Variants in EXOC5 observed in about 807,000 individuals in gnomAD.
EXOC5 encodes SEC10-like 1.
Under a neutral mutation model 90.8 loss-of-function variants are expected in EXOC5, and 17 were observed. The ratio of observed to expected loss-of-function variants is 0.19; its 90% CI spans 0.13 to 0.28. The LOEUF is 0.28. EXOC5 is among the 10% of genes least tolerant of loss of function. The pLI, the probability that EXOC5 is intolerant of heterozygous loss-of-function variation, is 1.00. For synonymous variants in EXOC5, 260 were observed against 270.0 expected (o/e 0.96, Z 0.36); for missense variants, 569 against 830.6 (o/e 0.69, Z 3.87).
At chr14:57,210,754 C>T (rs1468828672) in intron 15 of EXOC5, among the ~76,000 whole-genome samples, 7 of 151,926 alleles carry the variant, frequency 4.6e-5, no homozygotes, top group Admixed American at 4.6e-4. Flanking sequence ...AAGTACTTAA[C>T]AGTAAAAAAG....
At chr14:57,227,931 C>T (rs993923568) in intron 12 of EXOC5, among the ~76,000 whole-genome samples, 3 of 126,894 alleles carry the variant, frequency 2.4e-5, no homozygotes, top group Non-Finnish European at 3.0e-5. Context: ...AATAAGTTTA[C>T]ATACATATAT....
At chr14:57,259,741 A>C (rs896752942) in intron 1 of EXOC5, among the ~76,000 whole-genome samples, 1 of 152,172 alleles carries the variant, frequency 6.6e-6, no homozygotes, top group Non-Finnish European at 1.5e-5. Context: ...GAACATTACT[A>C]ATTGTCATTT....
Position 57,268,842 on chromosome 14 carries a change from G to A in EXOC5, c.-194C>T. On this transcript the variant is annotated 5_prime_UTR_variant, in exon 1 of 18. Coordinates refer to ENST00000621441, the MANE Select transcript of EXOC5 (RefSeq NM_006544.4). ...GAAGCGAAGCCGCAAACGCTTGTCAGCTGCCTCCCGGCGCCGCCCGCGCTG... is the reference window on the plus strand; with the variant it reads ...GAAGCGAAGCCGCAAACGCTTGTCAACTGCCTCCCGGCGCCGCCCGCGCTG... The A allele has an allele frequency of 1.5e-6, 2 of 1,317,678 alleles. No individual in the cohort carries two copies. Among genetic ancestry groups the A allele is most frequent in the East Asian group, 3.0e-5 (1 of 33,614 alleles). 81.6% of individuals were successfully genotyped at this position (1,317,678 alleles called of 1,614,324 possible). A position where few individuals can be genotyped will look rare whatever the true frequency, so the allele number is the denominator to read the frequency against.
At chr14:57,227,310 A>G (rs1422216320) in intron 12 of EXOC5, among the ~76,000 whole-genome samples, 1 of 152,144 alleles carries the variant, frequency 6.6e-6, no homozygotes, top group Non-Finnish European at 1.5e-5. Context: ...ATTCAGTCAT[A>G]TCAATACTAA....
At chr14:57,246,113 C>T (rs1346425603) in intron 3 of EXOC5, among the ~76,000 whole-genome samples, 1 of 151,944 alleles carries the variant, frequency 6.6e-6, no homozygotes, top group Non-Finnish European at 1.5e-5. Flanking sequence ...TTCAGAGGTT[C>T]CAGATTAAGT....
rs369300857 is a variant in EXOC5, at chr14:57,233,864, T to G, written c.734A>C (p.Asp245Ala). The G allele has an allele frequency of 1.2e-4, 196 of 1,610,780 alleles. No individual in the cohort carries two copies. Among genetic ancestry groups the G allele is most frequent in the Non-Finnish European group, 1.6e-4 (191 of 1,177,480 alleles). The part of the protein sequence containing the change: ...QCQEGAYLRN[D>A]IFEDAGILCQ... ...GAGTATTCCAGCGTCTTCAAATATATCATTTCTCAAATAAGCACCCTAAAC... is the reference window on the plus strand; with the variant it reads ...GAGTATTCCAGCGTCTTCAAATATAGCATTTCTCAAATAAGCACCCTAAAC... Residue 245 changes from aspartate (D) to alanine (A), a missense_variant, in exon 9 of 18, where the codon GAT becomes GCT. Asp to Ala is a moderately radical substitution (Grantham distance 126, BLOSUM62 -2). Around this residue, in one of 9 missense-constraint regions of EXOC5, gnomAD observed 114 missense variants for 111.2 expected, o/e 1.03. Coordinates refer to ENST00000621441, the MANE Select transcript of EXOC5 (RefSeq NM_006544.4).
At chr14:57,221,310 C>T (rs1159053524) in intron 13 of EXOC5, among the ~76,000 whole-genome samples, 1 of 152,144 alleles carries the variant, frequency 6.6e-6, no homozygotes, top group Non-Finnish European at 1.5e-5. Context: ...GAGAGATGAT[C>T]AATACATACC....
intron 15 of EXOC5, among the ~76,000 whole-genome samples, chr14:57,216,048 G>GA (rs530198758): frequency 7.3e-5 from 11 of 150,736 alleles, no homozygotes; most frequent in Admixed American, 3.3e-4. Context: ...AAAAAAGAAA[G>GA]AAAAAAAATC....
chr14:57,247,618 CT>C lies in EXOC5; in HGVS notation c.121del (p.Arg41AspfsTer3), dbSNP rs1347661242. 6.5e-7 allele frequency: 1 copy of C among 1,529,134 alleles called. No individual in the cohort carries two copies. Among genetic ancestry groups the C allele is most frequent in the Non-Finnish European group, 8.8e-7 (1 of 1,131,052 alleles). 94.7% of individuals were successfully genotyped at this position (1,529,134 alleles called of 1,614,324 possible). ...GGGGAAAAAAATTTTTTTATTTCAC[CT>C]TTTAGGATCAAAAGCTTCAGGTCCA... ...RGGPEAFDPK[R>X]LLEEFVNHIQ... On this transcript the variant is annotated frameshift_variant and splice_region_variant, in exon 2 of 18. Coordinates refer to ENST00000621441, the MANE Select transcript of EXOC5 (RefSeq NM_006544.4). LOFTEE classifies it high-confidence loss of function.
chr14:57,264,642 G>A (rs1884616125), intron 1 of EXOC5, among the ~76,000 whole-genome samples: 2 of 152,102 alleles, frequency 1.3e-5, no homozygotes, highest in Admixed American at 1.3e-4. Flanking sequence ...TATCTCCAGG[G>A]CCTACAACCC....
intron 1 of EXOC5, among the ~76,000 whole-genome samples, chr14:57,263,385 G>A (rs1166731822): frequency 4.6e-5 from 7 of 152,032 alleles, no homozygotes; most frequent in Non-Finnish European, 7.4e-5. Flanking sequence ...TGGGAGGATC[G>A]CTTTTGCCTA....
At chr14:57,213,706 C>A (rs950262031) in intron 15 of EXOC5, among the ~76,000 whole-genome samples, 5 of 152,002 alleles carry the variant, frequency 3.3e-5, no homozygotes, top group African/African-American at 1.2e-4. Context: ...CAGTAGTTCA[C>A]GCCTGTAATC....
chr14:57,235,665 T>C, intron 7 of EXOC5, 46 bp downstream of exon 7: 1 of 972,626 alleles, frequency 1.0e-6, no homozygotes, highest in Non-Finnish European at 1.6e-6. Context: ...ACTTACGTAA[T>C]TTCCATAGCC....
At chr14:57,254,617 G>C (rs538617814) in intron 1 of EXOC5, among the ~76,000 whole-genome samples, 1 of 152,114 alleles carries the variant, frequency 6.6e-6, no homozygotes, top group Non-Finnish European at 1.5e-5. Context: ...TACAATGAAA[G>C]AACTGTCCTC....
rs1370170319 is a variant in EXOC5 at position 57,205,387 on chromosome 14, T to C, written c.*3222A>G. Reference sequence around the variant, plus strand: ...ATGCTTTGTATGTAAAATTCAACAATATATGGGTAATGTGCAGAATATTTT... The same window carrying C: ...ATGCTTTGTATGTAAAATTCAACAACATATGGGTAATGTGCAGAATATTTT... On this transcript the variant is annotated 3_prime_UTR_variant, in exon 18 of 18. Transcript: ENST00000621441. 6.4e-6 allele frequency: 1 copy of C among 155,416 alleles called. No individual in the cohort carries two copies. The highest frequency in any genetic ancestry group is 2.4e-5 in the African/African-American group (1 of 41,420). The allele number at this position is 155,416 out of a possible 1,614,324, so 9.6% of individuals were successfully genotyped here. A position where few individuals can be genotyped will look rare whatever the true frequency, so the allele number is the denominator to read the frequency against.
Position 57,244,125 on chromosome 14 carries a change from T to C in EXOC5, c.465+40A>G, listed in dbSNP as rs562050913. 34 of 1,383,900 alleles carry C rather than the reference T, an allele frequency of 2.5e-5. No homozygotes were observed. In the East Asian group the frequency reaches 6.7e-4, roughly 27 times the overall value. The allele number at this position is 1,383,900 out of a possible 1,614,324, so 85.7% of individuals were successfully genotyped here. A position where few individuals can be genotyped will look rare whatever the true frequency, so the allele number is the denominator to read the frequency against. ...GCAGCTCATAATTAGGGCACTGTTA[T>C]TAATGCTGTGATTTGGTTTTATCCT... On this transcript the variant is annotated intron_variant, in intron 4 of 17. Transcript: ENST00000621441.
Position 57,238,183 on chromosome 14 carries a change from T to C in EXOC5, c.531-817A>G, listed in dbSNP as rs72720610. On this transcript the variant is annotated intron_variant, in intron 5 of 17. Coordinates refer to ENST00000621441, the MANE Select transcript of EXOC5 (RefSeq NM_006544.4). ...GGCCATATTAATCTGTGTGAAAAAA[T>C]TGAATCTATTTAGGATATATATTCA... 4.1e-3 allele frequency among the ~76,000 whole-genome samples: 615 copies of C among 148,884 alleles called. 16 individuals carry two copies. Among genetic ancestry groups the C allele is most frequent in the Non-Finnish European group, 2.3e-3 (157 of 67,282 alleles).
chr14:57,217,303 C>T (rs1036250653), intron 15 of EXOC5, among the ~76,000 whole-genome samples: 1 of 152,178 alleles, frequency 6.6e-6, no homozygotes, highest in Non-Finnish European at 1.5e-5. Context: ...CTGTGTTTCA[C>T]AGATACTGTG....
At chr14:57,226,064 C>T (rs1053572946) in intron 12 of EXOC5, among the ~76,000 whole-genome samples, 4 of 152,178 alleles carry the variant, frequency 2.6e-5, no homozygotes, top group Non-Finnish European at 5.9e-5. Context: ...CAATCAGATA[C>T]GCATTTCTCT....
Sources: allele counts gnomAD v4.1 joint callset (sites outside exome capture counted in the v4.1 genomes callset), GRCh38; gene constraint gnomAD v4.1.1; regional missense constraint gnomAD v4.1.1; transcripts MANE v1.5; gene names NCBI Gene and HGNC (gene_info 2026-07-23, HGNC 2026-07-21).